LRRN3: variants seen among roughly 807,000 people sequenced by gnomAD.
LRRN3 encodes leucine rich repeat neuronal 3.
LRRN3 carries 15 observed loss-of-function variants against 40.1 expected under a neutral mutation model. That is an observed-to-expected ratio of 0.37 (90% CI 0.25 to 0.58). The LOEUF (loss-of-function observed/expected upper bound fraction) is 0.58. Ranked by LOEUF, LRRN3 falls within the 20% of genes least tolerant of loss-of-function variation. The pLI, the probability that LRRN3 is intolerant of heterozygous loss-of-function variation, is 0.72. For missense variants in LRRN3, 746 were observed against 837.7 expected (o/e 0.89, Z 1.35); for synonymous variants, 308 against 297.2 (o/e 1.04, Z -0.37).
intron 2 of LRRN3, among the ~76,000 whole-genome samples, chr7:111,117,166 G>T (rs1229080285): frequency 6.6e-6 from 1 of 152,010 alleles, no homozygotes; most frequent in Non-Finnish European, 1.5e-5. Flanking sequence ...CTAGAGTATT[G>T]AATATAAACT....
rs545444482 is a variant in LRRN3, at chr7:111,109,358, C to T, written c.-359+9396C>T. On this transcript the variant is annotated intron_variant, in intron 2 of 2. Coordinates refer to ENST00000308478, the MANE Select transcript of LRRN3 (RefSeq NM_001099658.2). ...TCATGCTTACGAACTACAAAAGCAT[C>T]TTAATTAAGTTTTAAAAGAAAGTAT... Among the ~76,000 whole-genome samples, 81 of 151,998 alleles carry T rather than the reference C, an allele frequency of 5.3e-4. 2 individuals carry two copies. The highest frequency in any genetic ancestry group is 1.8e-3 in the African/African-American group (74 of 41,446).
At chr7:111,117,636 TCAA>T (rs1215171065) in intron 2 of LRRN3, among the ~76,000 whole-genome samples, 2 of 152,054 alleles carry the variant, frequency 1.3e-5, no homozygotes, top group African/African-American at 2.4e-5. Context: ...TTAGTATAAT[TCAA>T]CAATACCTCT....
chr7:111,104,906 T>C (rs214886), intron 2 of LRRN3, among the ~76,000 whole-genome samples: 9,335 of 151,588 alleles, frequency 0.062, 570 homozygotes, highest in African/African-American at 0.15. Flanking sequence ...AAGGGGACAG[T>C]CTCTCACACA....
At chr7:111,104,648 A>G (rs1449313723) in intron 2 of LRRN3, among the ~76,000 whole-genome samples, 2 of 151,798 alleles carry the variant, frequency 1.3e-5, no homozygotes, top group Non-Finnish European at 2.9e-5. Context: ...AGCAAATGCT[A>G]AAGAAAAATT....
At position 111,124,216 on chromosome 7, in the gene LRRN3, G is replaced by C. The variant is rs1801010302; in HGVS notation, c.1444G>C (p.Asp482His). ...CTATGTCCATTCTGAGGGAACACTA[G>C]ATATAAATGGCGTAACTCCCAAAGA... ...KFYVHSEGTL[D>H]INGVTPKEGG... The change falls in exon 3 of 3, where the codon GAT (aspartate) becomes CAT (histidine). Residue 482 changes from aspartate (D) to histidine (H), a missense_variant. Asp to His is a moderately conservative substitution (Grantham distance 81, BLOSUM62 -1). Transcript: ENST00000308478. 6.2e-7 allele frequency: 1 copy of C among 1,613,910 alleles called. No individual in the cohort carries two copies. Among genetic ancestry groups the C allele is most frequent in the Non-Finnish European group, 8.5e-7 (1 of 1,179,934 alleles).
At chr7:111,110,378 T>A (rs1799061467) in intron 2 of LRRN3, among the ~76,000 whole-genome samples, 1 of 152,192 alleles carries the variant, frequency 6.6e-6, no homozygotes, top group Admixed American at 6.5e-5. Context: ...TTCTCATATA[T>A]TTAGAATAGC....
At chr7:111,092,664 G>C in intron 1 of LRRN3, among the ~76,000 whole-genome samples, 1 of 152,138 alleles carries the variant, frequency 6.6e-6, no homozygotes, top group African/African-American at 2.4e-5. Context: ...GAGCATCCAT[G>C]TATTGATGAT....
intron 2 of LRRN3, among the ~76,000 whole-genome samples, chr7:111,119,017 C>G (rs752258443): frequency 1.6e-4 from 24 of 152,218 alleles, no homozygotes; most frequent in Non-Finnish European, 3.2e-4. Flanking sequence ...AGGATAATTT[C>G]AAAAAGTGGC....
intron 2 of LRRN3, among the ~76,000 whole-genome samples, chr7:111,105,455 T>G (rs2129581242): frequency 6.6e-6 from 1 of 151,996 alleles, no homozygotes; most frequent in East Asian, 1.9e-4. Context: ...CTGCATACGT[T>G]ACCATCTTCC....
At chr7:111,091,985 C>T (rs1426205843) in intron 1 of LRRN3, among the ~76,000 whole-genome samples, 4 of 152,150 alleles carry the variant, frequency 2.6e-5, no homozygotes, top group African/African-American at 9.7e-5. Context: ...GTTTTGAAAT[C>T]AACCCACCAA....
chr7:111,112,988 G>A (rs560377422), intron 2 of LRRN3, among the ~76,000 whole-genome samples: 2 of 152,106 alleles, frequency 1.3e-5, no homozygotes, highest in Admixed American at 6.5e-5. Flanking sequence ...TAGTAAAAAC[G>A]TAAAACACTG....
intron 2 of LRRN3, among the ~76,000 whole-genome samples, chr7:111,121,529 G>C (rs1800614874): frequency 6.6e-6 from 1 of 152,160 alleles, no homozygotes; most frequent in Non-Finnish European, 1.5e-5. Flanking sequence ...ACCACAATGA[G>C]ATACCATCTC....
intron 2 of LRRN3, among the ~76,000 whole-genome samples, chr7:111,122,067 C>T (rs1166291582): frequency 1.1e-4 from 14 of 123,264 alleles, no homozygotes; most frequent in African/African-American, 3.5e-4. Flanking sequence ...CATCACACAC[C>T]GGGGCCTGTT....
intron 2 of LRRN3, among the ~76,000 whole-genome samples, chr7:111,110,220 TAGACATGA>T (rs1364551268): frequency 6.6e-6 from 1 of 152,208 alleles, no homozygotes; most frequent in Non-Finnish European, 1.5e-5. Flanking sequence ...TCATGGATAT[TAGACATGA>T]AGACATCATT....
At position 111,111,942 on chromosome 7, in the gene LRRN3, G is replaced by GTTT. The variant is rs748410980; in HGVS notation, c.-358-10452_-358-10450dup. Among the ~76,000 whole-genome samples, 673 of 84,178 alleles carry GTTT rather than the reference G, an allele frequency of 8.0e-3. 7 individuals are homozygous for GTTT. Among genetic ancestry groups the GTTT allele is most frequent in the African/African-American group, 9.3e-3 (187 of 20,172 alleles). 55.2% of individuals were successfully genotyped at this position (84,178 alleles called of 152,430 possible). A position where few individuals can be genotyped will look rare whatever the true frequency, so the allele number is the denominator to read the frequency against. On this transcript the variant is annotated intron_variant, in intron 2 of 2. Transcript: ENST00000308478. Reference sequence around the variant, plus strand: ...TTATTTATATATATATATATAGTTTGTTTTTTTTTTTTTTTTTTTTTTTGA... The same window carrying GTTT: ...TTATTTATATATATATATATAGTTTGTTTTTTTTTTTTTTTTTTTTTTTTTTGA...
At chr7:111,119,033 A>G (rs2129586833) in intron 2 of LRRN3, among the ~76,000 whole-genome samples, 1 of 152,330 alleles carries the variant, frequency 6.6e-6, no homozygotes, top group South Asian at 2.1e-4. Context: ...GTGGCATTAT[A>G]TTAAGACTCC....
intron 2 of LRRN3, among the ~76,000 whole-genome samples, chr7:111,115,526 A>T (rs568469372): frequency 6.6e-6 from 1 of 152,144 alleles, no homozygotes; most frequent in Non-Finnish European, 1.5e-5. Context: ...CCCCCTCTGT[A>T]AAAGAAAATT....
chr7:111,124,446 C>T lies in LRRN3; in HGVS notation c.1674C>T (p.Val558=), dbSNP rs1801037928. ...CTAGTGTTAAATGGACAGCCTTTGT[C>T]AAGACTGAAAATTCTCATGCTGCGC... ...LKSSVKWTAF[V]KTENSHAAQS... is the part of the protein sequence containing the mutation. The change falls in exon 3 of 3, where the codon GTC becomes GTT. Residue 558 remains valine (V), a synonymous_variant. Coordinates refer to ENST00000308478, the MANE Select transcript of LRRN3 (RefSeq NM_001099658.2). 1 of 1,613,650 alleles carries T rather than the reference C, an allele frequency of 6.2e-7. No individual in the cohort carries two copies. Among genetic ancestry groups the T allele is most frequent in the Admixed American group, 1.7e-5 (1 of 59,916 alleles).
intron 2 of LRRN3, among the ~76,000 whole-genome samples, chr7:111,110,690 TA>T (rs1166429750): frequency 2.6e-4 from 40 of 152,300 alleles, no homozygotes; most frequent in African/African-American, 9.4e-4. Context: ...TATATGAAAT[TA>T]ATGTTGAGTA....
Sources: gnomAD v4.1 joint callset for allele counts (sites outside exome capture counted in the v4.1 genomes callset) on GRCh38, gnomAD v4.1.1 for gene constraint, MANE v1.5 for transcripts, NCBI Gene and HGNC (gene_info 2026-07-23, HGNC 2026-07-21) for gene names.